The following KIAA1217 variants were observed in gnomAD, a reference collection of about 807,000 sequenced individuals.
KIAA1217 encodes sickle tail protein homolog.
KIAA1217 carries 88 observed loss-of-function variants against 163.9 expected under a neutral mutation model. The ratio of observed to expected loss-of-function variants is 0.54; its 90% CI spans 0.45 to 0.64. The LOEUF is 0.64. KIAA1217 is among the 30% of genes least tolerant of loss of function. The pLI is 0.00. For synonymous variants in KIAA1217, 903 were observed against 923.1 expected (o/e 0.98, Z 0.39); for missense variants, 2,372 against 2,475.0 (o/e 0.96, Z 0.88).
intron 2 of KIAA1217, among the ~76,000 whole-genome samples, chr10:24,175,554 T>G (rs182828918): frequency 6.6e-6 from 1 of 152,280 alleles, no homozygotes; most frequent in Non-Finnish European, 1.5e-5. Flanking sequence ...CATTCATTCT[T>G]TTTTTGAGTA....
chr10:24,545,507 C>T, intron 20 of KIAA1217: 1 of 1,292,668 alleles, frequency 7.7e-7, no homozygotes. Flanking sequence ...AACACTCCGT[C>T]ACAATGCCCG....
intron 1 of KIAA1217, among the ~76,000 whole-genome samples, chr10:23,742,011 G>C (rs959767175): frequency 2.0e-5 from 3 of 152,174 alleles, no homozygotes; most frequent in Admixed American, 2.0e-4. Flanking sequence ...CAATGCTCTA[G>C]AGAACTGACC....
chr10:23,987,113 C>T (rs1420933968), intron 1 of KIAA1217, among the ~76,000 whole-genome samples: 3 of 152,054 alleles, frequency 2.0e-5, no homozygotes, highest in Non-Finnish European at 4.4e-5. Context: ...CGTGGTGGCT[C>T]ACACCTGTAA....
intron 1 of KIAA1217, among the ~76,000 whole-genome samples, chr10:23,933,201 G>A (rs1274396549): frequency 6.6e-6 from 1 of 152,222 alleles, no homozygotes; most frequent in African/African-American, 2.4e-5. Context: ...CCTGCAAGCT[G>A]TGTAATCACA....
intron 5 of KIAA1217, 89 bp downstream of exon 5, chr10:24,438,568 C>T (rs2060246549): frequency 1.1e-6 from 1 of 870,612 alleles, no homozygotes; most frequent in Non-Finnish European, 1.9e-6. Context: ...CAGAACTCTA[C>T]AACTGAGTTT....
intron 3 of KIAA1217, among the ~76,000 whole-genome samples, chr10:24,393,631 C>T (rs2055296814): frequency 6.6e-6 from 1 of 152,158 alleles, no homozygotes. Context: ...GTAGGAACTT[C>T]GGAGAGGTGA....
At position 23,978,765 on chromosome 10, in the gene KIAA1217, A is replaced by G. The variant is rs540947074; in HGVS notation, c.-320-28460A>G. Among the ~76,000 whole-genome samples the G allele has an allele frequency of 3.9e-5, 6 of 152,328 alleles. No homozygotes were observed. In the South Asian group the frequency reaches 1.2e-3, roughly 32 times the overall value. ...CATACACAGAAAGTGCAAACTAAAG[A>G]CAAAATAACTATAAATAGAAGTTGT... On this transcript the variant is annotated intron_variant, in intron 1 of 18. Coordinates refer to the KIAA1217 transcript ENST00000376462.
rs747574549 is a variant in KIAA1217 at position 24,543,894 on chromosome 10, G to C, written c.4624G>C (p.Glu1542Gln). 8.1e-6 allele frequency: 13 copies of C among 1,613,848 alleles called. No homozygotes were observed. The highest frequency in any genetic ancestry group is 1.1e-5 in the Non-Finnish European group (13 of 1,180,006). The change falls in exon 19 of 21, where the codon GAG becomes CAG. Residue 1542 changes from glutamate to glutamine, a missense_variant. Glu to Gln is a conservative substitution (Grantham distance 29, BLOSUM62 2). This residue lies in a region of KIAA1217 where 690 missense variants were observed against 677.5 expected (regional missense o/e 1.02). Coordinates refer to ENST00000376454, the MANE Select transcript of KIAA1217 (RefSeq NM_019590.5). The part of the protein sequence containing the change: ...NPGGQEMNRT[E>Q]LNKFSHVDSP... ...AGGAGGACAGGAAATGAACAGAACG[G>C]AGCTGAACAAGTTCAGCCACGTGGA...
intron 2 of KIAA1217, among the ~76,000 whole-genome samples, chr10:24,317,770 T>C (rs2133211996): frequency 6.6e-6 from 1 of 152,318 alleles, no homozygotes; most frequent in East Asian, 1.9e-4. Context: ...AAGAAACAGC[T>C]AACAGCTCCG....
intron 12 of KIAA1217, 117 bp downstream of exon 12, chr10:24,522,046 G>A: frequency 8.5e-7 from 1 of 1,181,470 alleles, no homozygotes; most frequent in African/African-American, 1.5e-5. Context: ...CCAGTGTCCT[G>A]AGGAAAAGCC....
chr10:24,048,282 C>A (rs1262934739), intron 2 of KIAA1217, among the ~76,000 whole-genome samples: 8 of 152,186 alleles, frequency 5.3e-5, no homozygotes, highest in African/African-American at 1.9e-4. Context: ...CTCTGAGTAG[C>A]CACTGTACAA....
At chr10:24,503,769 G>A (rs955267031) in intron 9 of KIAA1217, among the ~76,000 whole-genome samples, 2 of 152,206 alleles carry the variant, frequency 1.3e-5, no homozygotes, top group African/African-American at 2.4e-5. Context: ...TCCCAAGTTC[G>A]TTCTTACCTG....
At chr10:24,405,424 G>A (rs1396249466) in intron 3 of KIAA1217, among the ~76,000 whole-genome samples, 1 of 152,098 alleles carries the variant, frequency 6.6e-6, no homozygotes. Flanking sequence ...ACCTAAATGA[G>A]CATAAATCCT....
At chr10:24,424,217 T>C (rs1425544082) in intron 3 of KIAA1217, among the ~76,000 whole-genome samples, 1 of 152,240 alleles carries the variant, frequency 6.6e-6, no homozygotes, top group Non-Finnish European at 1.5e-5. Context: ...GGGAGAGTTC[T>C]CTCTGGGATT....
intron 1 of KIAA1217, among the ~76,000 whole-genome samples, chr10:23,959,512 T>C (rs889555201): frequency 6.6e-6 from 1 of 152,164 alleles, no homozygotes; most frequent in African/African-American, 2.4e-5. Context: ...AGACCTTGTC[T>C]CTTAAAAAAT....
At chr10:24,376,812 A>G (rs2052565580) in intron 2 of KIAA1217, among the ~76,000 whole-genome samples, 1 of 151,986 alleles carries the variant, frequency 6.6e-6, no homozygotes, top group South Asian at 2.1e-4. Context: ...ACTGGTGTCA[A>G]CTCTGGAGTG....
At chr10:24,200,782 TG>T (rs572535078) in intron 2 of KIAA1217, among the ~76,000 whole-genome samples, 68 of 152,154 alleles carry the variant, frequency 4.5e-4, no homozygotes, top group African/African-American at 1.6e-3. Context: ...CAGTCAAGCT[TG>T]GGGGTGATGA....
chr10:23,896,750 A>C (rs908289570), intron 1 of KIAA1217, among the ~76,000 whole-genome samples: 1 of 152,084 alleles, frequency 6.6e-6, no homozygotes, highest in Non-Finnish European at 1.5e-5. Flanking sequence ...AAACGTCTTT[A>C]AACTTGAGAT....
intron 2 of KIAA1217, among the ~76,000 whole-genome samples, chr10:24,202,137 T>C (rs2067295775): frequency 6.6e-6 from 1 of 152,222 alleles, no homozygotes; most frequent in Non-Finnish European, 1.5e-5. Flanking sequence ...GTAACATCTG[T>C]GTCTCTGTTT....
Sources: gnomAD v4.1 joint callset for allele counts (sites outside exome capture counted in the v4.1 genomes callset) on GRCh38, gnomAD v4.1.1 for gene constraint, gnomAD v4.1.1 regional missense constraint, MANE v1.5 for transcripts, NCBI Gene and HGNC (gene_info 2026-07-23, HGNC 2026-07-21) for gene names.